RBFOX1: variants seen among roughly 807,000 people sequenced by gnomAD.
RBFOX1 encodes RNA binding fox-1 homolog 1, also known as RNA binding protein fox-1 homolog 1.
RBFOX1 carries 8 observed loss-of-function variants against 57.7 expected under a neutral mutation model. The observed-to-expected ratio is 0.14, with a 90% confidence interval of 0.08 to 0.25. The LOEUF (loss-of-function observed/expected upper bound fraction) is 0.25. RBFOX1 is among the 10% of genes least tolerant of loss of function. The pLI is 1.00. For missense variants in RBFOX1, 611 were observed against 548.5 expected, an observed-to-expected ratio of 1.11 and a Z score of -1.14; for synonymous variants, 326 against 222.4, an observed-to-expected ratio of 1.47 and a Z score of -4.15.
chr16:7,240,511 T>A (rs947327862), intron 4 of RBFOX1, among the ~76,000 whole-genome samples: 3 of 152,156 alleles, frequency 2.0e-5, no homozygotes, highest in Admixed American at 1.3e-4. Context: ...GATTTCTGTT[T>A]CTAAATACTG....
chr16:6,041,666 T>C (rs181483416), intron 1 of RBFOX1, among the ~76,000 whole-genome samples: 1 of 152,236 alleles, frequency 6.6e-6, no homozygotes, highest in East Asian at 1.9e-4. Flanking sequence ...TATATCACGC[T>C]GTTCCCTTTT....
intron 5 of RBFOX1, among the ~76,000 whole-genome samples, chr16:7,543,976 C>A (rs1487530207): frequency 2.6e-5 from 4 of 152,186 alleles, no homozygotes; most frequent in African/African-American, 9.6e-5. Flanking sequence ...GCCTTGGTTT[C>A]CCAAAGTGCT....
chr16:6,456,712 C>A (rs1026363182), intron 2 of RBFOX1, among the ~76,000 whole-genome samples: 11 of 152,084 alleles, frequency 7.2e-5, no homozygotes, highest in African/African-American at 1.9e-4. Flanking sequence ...GGAATAATGG[C>A]TATGGGAATG....
chr16:7,379,768 T>TCCTG (rs2097755670), intron 4 of RBFOX1, among the ~76,000 whole-genome samples: 1 of 150,570 alleles, frequency 6.6e-6, no homozygotes, highest in African/African-American at 2.4e-5. Flanking sequence ...CTGCCTGCCT[T>TCCTG]CCTGCCTTCC....
intron 4 of RBFOX1, among the ~76,000 whole-genome samples, chr16:7,420,523 T>G (rs1350315028): frequency 2.0e-5 from 3 of 152,212 alleles, no homozygotes; most frequent in Non-Finnish European, 4.4e-5. Context: ...GATGTTTGAA[T>G]CAACCAGGCC....
At chr16:6,700,484 C>T (rs982196024) in intron 3 of RBFOX1, among the ~76,000 whole-genome samples, 1 of 151,860 alleles carries the variant, frequency 6.6e-6, no homozygotes, top group African/African-American at 2.4e-5. Context: ...ATGGTGAAAC[C>T]CTGTCTCTAC....
At chr16:5,833,354 G>A (rs951930366) in intron 3 of RBFOX1, among the ~76,000 whole-genome samples, 6 of 151,994 alleles carry the variant, frequency 3.9e-5, no homozygotes, top group Non-Finnish European at 7.4e-5. Context: ...AATTAGCCGG[G>A]CATGGTGGCA....
intron 3 of RBFOX1, among the ~76,000 whole-genome samples, chr16:6,694,819 C>T (rs946622324): frequency 1.3e-5 from 2 of 152,116 alleles, no homozygotes; most frequent in Non-Finnish European, 2.9e-5. Context: ...TGTGACGGAA[C>T]ACAGTGATTG....
chr16:6,643,833 A>G (rs2098511469), intron 2 of RBFOX1, among the ~76,000 whole-genome samples: 1 of 57,636 alleles, frequency 1.7e-5, no homozygotes, highest in South Asian at 1.4e-3. Flanking sequence ...GAAGGTTAAA[A>G]AATCATATAA....
chr16:6,837,100 C>T (rs1009991940), intron 3 of RBFOX1, among the ~76,000 whole-genome samples: 2 of 152,176 alleles, frequency 1.3e-5, no homozygotes, highest in Admixed American at 1.3e-4. Context: ...ATAGCCAGAG[C>T]AGTACTGAGA....
intron 2 of RBFOX1, among the ~76,000 whole-genome samples, chr16:5,512,294 A>C (rs923462200): frequency 6.6e-6 from 1 of 152,194 alleles, no homozygotes; most frequent in Admixed American, 6.5e-5. Context: ...CAATTTCATC[A>C]AATAGCGGAA....
intron 4 of RBFOX1, among the ~76,000 whole-genome samples, chr16:5,951,939 G>C (rs942438948): frequency 1.3e-5 from 2 of 151,464 alleles, no homozygotes; most frequent in Non-Finnish European, 2.9e-5. Context: ...AGGTACGTCA[G>C]AATCACCTGT....
intron 3 of RBFOX1, among the ~76,000 whole-genome samples, chr16:5,789,584 A>G (rs1436129729): frequency 6.6e-6 from 1 of 152,172 alleles, no homozygotes; most frequent in East Asian, 1.9e-4. Context: ...GTATTTTACC[A>G]GCTACTGAGA....
intron 4 of RBFOX1, among the ~76,000 whole-genome samples, chr16:7,180,140 C>T (rs930025855): frequency 7.9e-5 from 12 of 152,052 alleles, no homozygotes; most frequent in Admixed American, 4.6e-4. Flanking sequence ...AGTGTGTTAG[C>T]CATTTTCTGC....
intron 4 of RBFOX1, among the ~76,000 whole-genome samples, chr16:7,464,025 C>T (rs545043429): frequency 6.6e-6 from 1 of 152,330 alleles, no homozygotes; most frequent in South Asian, 2.1e-4. Context: ...AGGTCTGACT[C>T]CAAAGCCTTG....
chr16:6,994,823 T>G (rs1407094455), intron 3 of RBFOX1, among the ~76,000 whole-genome samples: 1 of 152,184 alleles, frequency 6.6e-6, no homozygotes, highest in Non-Finnish European at 1.5e-5. Context: ...TTTCAGAGAC[T>G]GATAAAAATT....
chr16:5,293,542 C>T (rs112198240), intron 1 of RBFOX1, among the ~76,000 whole-genome samples: 1 of 152,270 alleles, frequency 6.6e-6, no homozygotes, highest in African/African-American at 2.4e-5. Context: ...CATGATGTTT[C>T]CAAGGTCCAT....
intron 3 of RBFOX1, among the ~76,000 whole-genome samples, chr16:6,659,740 A>C (rs1222411480): frequency 1.3e-5 from 2 of 152,104 alleles, no homozygotes; most frequent in Non-Finnish European, 2.9e-5. Flanking sequence ...AGGATTCTTC[A>C]CAGTGTTTAC....
At chr16:7,641,536 C>A (rs531690195) in intron 11 of RBFOX1, among the ~76,000 whole-genome samples, 1 of 152,176 alleles carries the variant, frequency 6.6e-6, no homozygotes, top group African/African-American at 2.4e-5. Context: ...AACATAGGCT[C>A]TTGATGCCTA....
Sources: allele counts gnomAD v4.1 joint callset (sites outside exome capture counted in the v4.1 genomes callset), GRCh38; gene constraint gnomAD v4.1.1; transcripts MANE v1.5; gene names NCBI Gene and HGNC (gene_info 2026-07-23, HGNC 2026-07-21).